The following KAZN variants were observed in gnomAD, a reference collection of about 807,000 sequenced individuals.
The protein encoded by KAZN is kazrin, periplakin interacting protein.
KAZN carries 40 observed loss-of-function variants against 87.4 expected under a neutral mutation model. That is an observed-to-expected ratio of 0.46 (90% CI 0.36 to 0.60). KAZN has a LOEUF of 0.60. Ranked by LOEUF, KAZN falls within the 20% of genes least tolerant of loss-of-function variation. The probability of loss-of-function intolerance (pLI) is 0.00; values close to 1 mark genes in which losing one functional copy is unlikely to be tolerated. For missense variants in KAZN, 898 were observed against 1,073.9 expected, an observed-to-expected ratio of 0.84 and a Z score of 2.29; for synonymous variants, 466 against 458.3, an observed-to-expected ratio of 1.02 and a Z score of -0.22.
At chr1:14,281,701 T>G (rs532237502) in intron 2 of KAZN, among the ~76,000 whole-genome samples, 15 of 152,348 alleles carry the variant, frequency 9.8e-5, no homozygotes, top group African/African-American at 3.6e-4. Context: ...TCAAGCAACA[T>G]TTTATCAAGT....
At chr1:15,003,652 G>A (rs770957672) in intron 2 of KAZN, among the ~76,000 whole-genome samples, 7 of 152,274 alleles carry the variant, frequency 4.6e-5, no homozygotes, top group Middle Eastern at 3.4e-3. Context: ...TTATGTTCAC[G>A]TTCTAGCATG....
intron 1 of KAZN, among the ~76,000 whole-genome samples, chr1:14,023,977 C>A (rs79150782): frequency 6.6e-6 from 1 of 152,142 alleles, no homozygotes. Flanking sequence ...GGACAGTACA[C>A]GGATCCCGAA....
intron 2 of KAZN, among the ~76,000 whole-genome samples, chr1:14,181,622 C>T (rs1646200639): frequency 6.6e-6 from 1 of 152,124 alleles, no homozygotes; most frequent in Non-Finnish European, 1.5e-5. Flanking sequence ...CCAAATTATG[C>T]AAAGCCTTTC....
chr1:13,956,016 T>C (rs924125895), intron 1 of KAZN, among the ~76,000 whole-genome samples: 4 of 152,214 alleles, frequency 2.6e-5, no homozygotes, highest in African/African-American at 9.6e-5. Context: ...CAGCACCTCG[T>C]AGGACCTGTA....
chr1:15,028,064 C>T (rs76654904), intron 2 of KAZN, among the ~76,000 whole-genome samples: 3 of 151,428 alleles, frequency 2.0e-5, no homozygotes, highest in Non-Finnish European at 4.4e-5. Context: ...TTGTCTCGGT[C>T]TTTCGCCTGG....
chr1:14,258,012 T>A (rs114805828), intron 2 of KAZN, among the ~76,000 whole-genome samples: 1,476 of 69,206 alleles, frequency 0.021, 10 homozygotes, highest in African/African-American at 0.059. Flanking sequence ...AGGGTAAGAA[T>A]GGGGGAAAAA....
chr1:14,921,702 T>G (rs575154532), intron 1 of KAZN, among the ~76,000 whole-genome samples: 2 of 152,302 alleles, frequency 1.3e-5, no homozygotes, highest in East Asian at 3.9e-4. Context: ...GGGGTTTTTT[T>G]GTTGTTGTTC....
chr1:14,814,319 C>A (rs1456571626), intron 1 of KAZN, among the ~76,000 whole-genome samples: 1 of 152,156 alleles, frequency 6.6e-6, no homozygotes, highest in Admixed American at 6.5e-5. Context: ...CTCTGCCCCC[C>A]GGGTTCAAGT....
At chr1:14,008,354 A>G (rs1005672875) in intron 1 of KAZN, among the ~76,000 whole-genome samples, 2 of 152,222 alleles carry the variant, frequency 1.3e-5, no homozygotes, top group Non-Finnish European at 2.9e-5. Context: ...ATGTTTTATG[A>G]AAAGGAGACT....
At chr1:14,883,353 AG>A (rs1653614004) in intron 1 of KAZN, among the ~76,000 whole-genome samples, 1 of 35,742 alleles carries the variant, frequency 2.8e-5, no homozygotes, top group Non-Finnish European at 5.9e-5. Context: ...AAAGAAAGAA[AG>A]AAAAGAAAGA....
At chr1:14,504,329 G>A (rs762170437) in intron 2 of KAZN, among the ~76,000 whole-genome samples, 1 of 152,154 alleles carries the variant, frequency 6.6e-6, no homozygotes, top group Admixed American at 6.5e-5. Context: ...GAAGAAAGCC[G>A]ATGGTCTTGA....
At chr1:14,395,550 G>A (rs1662824923) in intron 2 of KAZN, among the ~76,000 whole-genome samples, 1 of 152,120 alleles carries the variant, frequency 6.6e-6, no homozygotes, top group African/African-American at 2.4e-5. Context: ...GAGGAACATA[G>A]CTACTAACTG....
chr1:14,514,613 A>AT (rs1557770534), intron 2 of KAZN, among the ~76,000 whole-genome samples: 58 of 46,144 alleles, frequency 1.3e-3, no homozygotes, highest in South Asian at 2.5e-3. Context: ...ATATATATAT[A>AT]TATATATATA....
intron 1 of KAZN, among the ~76,000 whole-genome samples, chr1:14,944,963 G>A (rs768105848): frequency 1.3e-5 from 2 of 152,074 alleles, no homozygotes; most frequent in Non-Finnish European, 2.9e-5. Flanking sequence ...TTTTGGGGTC[G>A]CAGTGGCCCT....
chr1:14,223,098 G>A (rs1174538875), intron 2 of KAZN: 2 of 152,144 alleles, frequency 1.3e-5, no homozygotes, highest in Non-Finnish European at 2.9e-5. Flanking sequence ...TTCAAAAGTT[G>A]GGTTCAGACT....
intron 1 of KAZN, among the ~76,000 whole-genome samples, chr1:14,951,315 C>T (rs1218894469): frequency 6.6e-6 from 1 of 152,084 alleles, no homozygotes; most frequent in Non-Finnish European, 1.5e-5. Flanking sequence ...TTCAGAACTC[C>T]CCTCCTCTGC....
At chr1:14,818,670 A>G (rs3888127) in intron 1 of KAZN, among the ~76,000 whole-genome samples, 40,799 of 152,080 alleles carry the variant, frequency 0.27, 6,132 homozygotes, top group African/African-American at 0.41. Context: ...GGAGGCCAAA[A>G]CTCATTGCAG....
intron 1 of KAZN, among the ~76,000 whole-genome samples, chr1:14,624,533 A>G (rs1424087833): frequency 6.6e-6 from 1 of 152,128 alleles, no homozygotes; most frequent in Non-Finnish European, 1.5e-5. Context: ...CATTATGTGC[A>G]GAAATATTTA....
At chr1:14,593,803 G>T (rs1281220172), upstream of KAZN, among the ~76,000 whole-genome samples, 2 of 152,228 alleles carry the variant, frequency 1.3e-5, no homozygotes, top group Non-Finnish European at 2.9e-5. Flanking sequence ...AAGACCTTGA[G>T]GTCAGAAACA....
Sources: allele counts gnomAD v4.1 joint callset (sites outside exome capture counted in the v4.1 genomes callset), GRCh38; gene constraint gnomAD v4.1.1; transcripts MANE v1.5; gene names NCBI Gene and HGNC (gene_info 2026-07-23, HGNC 2026-07-21).